The following SIPA1L1 variants were observed in gnomAD, a reference collection of about 807,000 sequenced individuals.
The protein encoded by SIPA1L1 is signal induced proliferation associated 1 like 1, also known as signal-induced proliferation-associated 1-like protein 1.
A neutral mutation model predicts 162.7 loss-of-function variants in SIPA1L1; 26 were observed. That is an observed-to-expected ratio of 0.16 (90% confidence interval 0.12 to 0.22). SIPA1L1 has a LOEUF of 0.22. SIPA1L1 is among the 10% of genes least tolerant of loss of function. SIPA1L1 has a pLI of 1.00. For synonymous variants in SIPA1L1, 829 were observed against 837.4 expected (o/e 0.99, Z 0.17); for missense variants, 1,874 against 2,241.0 (o/e 0.84, Z 3.31).
chr14:71,463,245 G>C (rs2046744154), intron 2 of SIPA1L1, among the ~76,000 whole-genome samples: 1 of 152,074 alleles, frequency 6.6e-6, no homozygotes, highest in East Asian at 1.9e-4. Context: ...CTCCATAATA[G>C]CCCTCACCCT....
chr14:71,575,496 A>T (rs1567229655), intron 4 of SIPA1L1, among the ~76,000 whole-genome samples: 2 of 152,152 alleles, frequency 1.3e-5, no homozygotes, highest in Non-Finnish European at 2.9e-5. Flanking sequence ...CAAAGGAGAG[A>T]CTTGTGTGGG....
intron 2 of SIPA1L1, among the ~76,000 whole-genome samples, chr14:71,422,564 A>T (rs2043266567): frequency 6.6e-6 from 1 of 152,216 alleles, no homozygotes; most frequent in Admixed American, 6.5e-5. Context: ...CATATAAGTG[A>T]AATCATCATA....
intron 5 of SIPA1L1, among the ~76,000 whole-genome samples, chr14:71,606,073 G>C (rs907703000): frequency 3.9e-5 from 6 of 152,180 alleles, no homozygotes; most frequent in Non-Finnish European, 7.3e-5. Context: ...GCTATGGTGG[G>C]CAGGGGCTGA....
chr14:71,423,054 T>G (rs1470843384), intron 2 of SIPA1L1, among the ~76,000 whole-genome samples: 1 of 152,250 alleles, frequency 6.6e-6, no homozygotes, highest in African/African-American at 2.4e-5. Context: ...AATTTTGATT[T>G]GTATTTCTCT....
intron 2 of SIPA1L1, among the ~76,000 whole-genome samples, chr14:71,323,645 C>G (rs1363969670): frequency 1.3e-5 from 2 of 151,580 alleles, no homozygotes; most frequent in Non-Finnish European, 2.9e-5. Flanking sequence ...TTTTTTTCCC[C>G]TTTGGATCAA....
At position 71,661,351 on chromosome 14, in the gene SIPA1L1, T is replaced by C. The variant is rs763443555; in HGVS notation, c.2139T>C (p.Ile713=). Residue 713 remains isoleucine, a synonymous_variant, in exon 10 of 24, where the codon ATT becomes ATC. Coordinates refer to ENST00000381232, the MANE Select transcript of SIPA1L1 (RefSeq NM_001386936.1). ...KRHIGNDIVT[I]VFQEPGAQPF... ...ACATTGGAAATGATATCGTAACAATTGTTTTCCAAGAGCCTGGAGCACAGC... is the reference window on the plus strand; with the variant it reads ...ACATTGGAAATGATATCGTAACAATCGTTTTCCAAGAGCCTGGAGCACAGC... 8.1e-6 allele frequency: 13 copies of C among 1,613,908 alleles called. No homozygotes were observed. Among genetic ancestry groups the C allele is most frequent in the South Asian group, 2.2e-5 (2 of 91,074 alleles).
At chr14:71,538,080 A>T (rs2054062170) in intron 4 of SIPA1L1, among the ~76,000 whole-genome samples, 1 of 152,210 alleles carries the variant, frequency 6.6e-6, no homozygotes, top group South Asian at 2.1e-4. Flanking sequence ...TTCTTACCAG[A>T]TGAATTCCTC....
chr14:71,733,666 G>C lies in SIPA1L1; in HGVS notation c.4862G>C (p.Gly1621Ala), dbSNP rs1449623843. 2 of 1,613,428 alleles carry C rather than the reference G, an allele frequency of 1.2e-6. No individual in the cohort carries two copies. The highest frequency in any genetic ancestry group is 1.1e-5 in the South Asian group (1 of 91,056). Residue 1621 changes from glycine (G) to alanine (A), a missense_variant and splice_region_variant, in exon 21 of 24, where the codon GGA becomes GCA. Gly to Ala is a moderately conservative substitution (Grantham distance 60, BLOSUM62 0). This residue lies in a region of SIPA1L1 where 936 missense variants were observed against 1,051.9 expected (regional missense o/e 0.89). Transcript: ENST00000381232. ...TCTCATTCCTCCTCCCTTCCCGCAG[G>C]AGAGTTCTCAGCCTCGGACAGCTCC... ...SYTLGMKSLH[G>A]EFSASDSSLT...
intron 2 of SIPA1L1, among the ~76,000 whole-genome samples, chr14:71,389,762 A>G (rs2141323634): frequency 6.6e-6 from 1 of 152,228 alleles, no homozygotes; most frequent in Non-Finnish European, 1.5e-5. Flanking sequence ...TGTGTTCCTC[A>G]CATTTAGTAG....
rs1164740881 is a variant in SIPA1L1 at position 71,733,826 on chromosome 14, A to G, written c.5008+14A>G. The G allele has an allele frequency of 6.2e-7, 1 of 1,610,918 alleles. No homozygotes were observed. Among genetic ancestry groups the G allele is most frequent in the Admixed American group, 1.7e-5 (1 of 59,946 alleles). On this transcript the variant is annotated intron_variant, in intron 21 of 23. Coordinates refer to ENST00000381232, the MANE Select transcript of SIPA1L1 (RefSeq NM_001386936.1). ...AAGCCTATGAGGGTGAGTCCACTGAATCCACACAAGACAGCCCAGGATCCT... is the reference window on the plus strand; with the variant it reads ...AAGCCTATGAGGGTGAGTCCACTGAGTCCACACAAGACAGCCCAGGATCCT...
At chr14:71,338,027 AC>A (rs1211800568) in intron 2 of SIPA1L1, among the ~76,000 whole-genome samples, 1 of 152,028 alleles carries the variant, frequency 6.6e-6, no homozygotes, top group African/African-American at 2.4e-5. Context: ...TGCATATGGT[AC>A]TCCTTATCAG....
chr14:71,350,664 AG>A (rs1488322025), intron 2 of SIPA1L1, among the ~76,000 whole-genome samples: 3 of 152,188 alleles, frequency 2.0e-5, no homozygotes, highest in African/African-American at 7.2e-5. Context: ...AACTCTTACA[AG>A]AGTGAAGTTA....
Position 71,395,842 on chromosome 14 carries a change from C to A in SIPA1L1, c.-465+74661C>A, listed in dbSNP as rs12589202. On this transcript the variant is annotated intron_variant, in intron 2 of 23. Transcript: ENST00000381232. The stretch of plus-strand genomic sequence containing the variant: ...ATGCGCCAAGTACTTGCTAGAAACT[C>A]TATATATGTTATTTTAGTTAAGGCT... Among the ~76,000 whole-genome samples the A allele has an allele frequency of 1.5e-4, 23 of 152,242 alleles. No homozygotes were observed. The East Asian group carries it at 4.0e-3, about 27-fold the overall frequency.
At chr14:71,624,439 A>G (rs1448425833) in intron 7 of SIPA1L1, among the ~76,000 whole-genome samples, 1 of 152,238 alleles carries the variant, frequency 6.6e-6, no homozygotes, top group Non-Finnish European at 1.5e-5. Flanking sequence ...GCATGTCAGA[A>G]TTTATAAATA....
intron 13 of SIPA1L1, among the ~76,000 whole-genome samples, chr14:71,693,914 T>C (rs1566668052): frequency 6.6e-6 from 1 of 152,194 alleles, no homozygotes; most frequent in Non-Finnish European, 1.5e-5. Flanking sequence ...TCTCACTTGT[T>C]TATACCACCA....
chr14:71,513,166 G>A (rs1212193472), intron 3 of SIPA1L1, among the ~76,000 whole-genome samples: 2 of 152,122 alleles, frequency 1.3e-5, no homozygotes, highest in African/African-American at 4.8e-5. Context: ...ATCTTTTCAA[G>A]TATTTTACAG....
intron 2 of SIPA1L1, among the ~76,000 whole-genome samples, chr14:71,367,400 G>T (rs1450771569): frequency 6.6e-6 from 1 of 150,556 alleles, no homozygotes. Flanking sequence ...TCCGCCTCCC[G>T]GGTTTCTGCC....
chr14:71,730,450 C>G (rs959037793), intron 20 of SIPA1L1, 149 bp downstream of exon 20: 5 of 902,732 alleles, frequency 5.5e-6, no homozygotes, highest in African/African-American at 3.3e-5. Flanking sequence ...TTTGCCCTCT[C>G]TCTCCTGTAA....
At chr14:71,495,292 A>G (rs545625319) in intron 2 of SIPA1L1, among the ~76,000 whole-genome samples, 12 of 151,788 alleles carry the variant, frequency 7.9e-5, no homozygotes, top group Non-Finnish European at 1.6e-4. Context: ...TAGTAATTCA[A>G]TTTCTTGTTT....
Sources: gnomAD v4.1 joint callset for allele counts (sites outside exome capture counted in the v4.1 genomes callset) on GRCh38, gnomAD v4.1.1 for gene constraint, gnomAD v4.1.1 regional missense constraint, MANE v1.5 for transcripts, NCBI Gene and HGNC (gene_info 2026-07-23, HGNC 2026-07-21) for gene names.